Variants in LTBP1 observed in about 807,000 individuals in gnomAD.
The protein encoded by LTBP1 is latent transforming growth factor beta binding protein 1.
In LTBP1, 129 loss-of-function variants were observed where a neutral mutation model predicts 207.6. That is an observed-to-expected ratio of 0.62 (90% CI 0.54 to 0.72). The LOEUF (loss-of-function observed/expected upper bound fraction) is 0.72. Ranked by LOEUF, LTBP1 falls within the 30% of genes least tolerant of loss-of-function variation. The pLI is 0.00. For synonymous variants in LTBP1, 963 were observed against 833.7 expected, an observed-to-expected ratio of 1.16 and a Z score of -2.67; for missense variants, 2,281 against 2,217.2, an observed-to-expected ratio of 1.03 and a Z score of -0.58.
chr2:33,345,090 A>G (rs537533661), intron 25 of LTBP1, among the ~76,000 whole-genome samples: 1 of 152,346 alleles, frequency 6.6e-6, no homozygotes, highest in South Asian at 2.1e-4. Context: ...CTAAGCACCT[A>G]TGATACGCAC....
rs561421159 is a variant in LTBP1, at chr2:33,187,732, T to C, written c.1426+652T>C. On this transcript the variant is annotated intron_variant, in intron 6 of 33. Coordinates refer to ENST00000404816, the MANE Select transcript of LTBP1 (RefSeq NM_206943.4). ...GAAAGCTACGGAAAGTAGCTTGTTA[T>C]AGATATAAAATAATGCACTTTGGTA... Among the ~76,000 whole-genome samples, 23 of 152,348 alleles carry C rather than the reference T, an allele frequency of 1.5e-4. No individual in the cohort carries two copies. In the East Asian group the frequency reaches 4.0e-3, roughly 27 times the overall value.
At chr2:33,254,852 G>GTTTTTTTTTGT (rs2092795169) in intron 11 of LTBP1, among the ~76,000 whole-genome samples, 1 of 10,366 alleles carries the variant, frequency 9.6e-5, no homozygotes, top group African/African-American at 5.4e-4. Flanking sequence ...GCGGTGTTTG[G>GTTTTTTTTTGT]TTTTTTTTTT....
chr2:33,007,244 G>A (rs1012433483), intron 2 of LTBP1, among the ~76,000 whole-genome samples: 6 of 152,324 alleles, frequency 3.9e-5, no homozygotes, highest in Middle Eastern at 3.4e-3. Context: ...GCTTCTCAAA[G>A]TGCTGGGATT....
chr2:33,157,769 C>T (rs74766103), intron 5 of LTBP1, among the ~76,000 whole-genome samples: 2,320 of 152,222 alleles, frequency 0.015, 23 homozygotes, highest in East Asian at 0.027. Context: ...TATCTTTTTC[C>T]CACTGACCTG....
At chr2:33,300,670 AC>A in intron 21 of LTBP1, 97 bp downstream of exon 21, 1 of 1,286,642 alleles carries the variant, frequency 7.8e-7, no homozygotes. Context: ...TTTAAAAATT[AC>A]CCAGATAATT....
intron 7 of LTBP1, among the ~76,000 whole-genome samples, chr2:33,194,678 A>G (rs1269794666): frequency 1.3e-5 from 2 of 152,226 alleles, no homozygotes; most frequent in Non-Finnish European, 2.9e-5. Flanking sequence ...TGCATACCAT[A>G]AAAGTACAAG....
At chr2:33,389,766 A>G (rs1470268431) in intron 32 of LTBP1, among the ~76,000 whole-genome samples, 1 of 152,066 alleles carries the variant, frequency 6.6e-6, no homozygotes, top group East Asian at 1.9e-4. Flanking sequence ...CAGCCTCCCA[A>G]GTAGCTGGGA....
At chr2:33,252,905 C>A in intron 11 of LTBP1, 61 bp downstream of exon 11, 1 of 1,379,426 alleles carries the variant, frequency 7.2e-7, no homozygotes, top group Non-Finnish European at 9.6e-7. Flanking sequence ...CACGGGACAA[C>A]TTTGGCACCT....
At chr2:33,391,073 C>CTTT (rs397968517) in intron 32 of LTBP1, among the ~76,000 whole-genome samples, 28 of 145,354 alleles carry the variant, frequency 1.9e-4, no homozygotes, top group African/African-American at 6.6e-4. Flanking sequence ...TCCCCTCCAC[C>CTTT]TTTTTTTTTT....
intron 22 of LTBP1, among the ~76,000 whole-genome samples, chr2:33,306,088 C>T (rs2094087122): frequency 6.6e-6 from 1 of 152,108 alleles, no homozygotes. Context: ...AATGTTCAAC[C>T]TTCTTATTGC....
intron 29 of LTBP1, 126 bp from the exon 30 acceptor site, chr2:33,364,089 TG>T: frequency 1.3e-6 from 1 of 778,460 alleles, no homozygotes. Context: ...GATGATAATG[TG>T]TGGTTAATTA....
chr2:33,220,031 C>CAT (rs2090999689), intron 8 of LTBP1, among the ~76,000 whole-genome samples: 1 of 152,058 alleles, frequency 6.6e-6, no homozygotes, highest in African/African-American at 2.4e-5. Context: ...TCACTTTTAA[C>CAT]TAAATGTTGG....
At chr2:33,243,146 T>C (rs2092393454) in intron 9 of LTBP1, among the ~76,000 whole-genome samples, 1 of 152,172 alleles carries the variant, frequency 6.6e-6, no homozygotes, top group Non-Finnish European at 1.5e-5. Flanking sequence ...TACCTCCTCC[T>C]CAGTGCCACA....
chr2:33,196,660 GCTAAATAAATGCTAA>G (rs1270038250), intron 7 of LTBP1, among the ~76,000 whole-genome samples: 5 of 152,164 alleles, frequency 3.3e-5, no homozygotes, highest in Non-Finnish European at 2.9e-5. Context: ...ATAAATAAAT[GCTAAATAAATGCTAA>G]CTAAATAAAT....
chr2:33,094,296 G>A (rs2079268237), intron 3 of LTBP1, among the ~76,000 whole-genome samples: 1 of 151,938 alleles, frequency 6.6e-6, no homozygotes, highest in Non-Finnish European at 1.5e-5. Flanking sequence ...TAAGATTTTT[G>A]TCTCTGATAC....
At position 33,389,269 on chromosome 2, in the gene LTBP1, G is replaced by A. The variant is rs376067631; in HGVS notation, c.4797G>A (p.Gln1599=). The change falls in exon 32 of 34, where the codon CAG becomes CAA. Residue 1599 remains glutamine (Q), a synonymous_variant. Transcript: ENST00000404816. ...ACGCCTTGGTTGACTTCAGTGAACA[G>A]TATACTCCAGAAGCCGATCCCTACT... The part of the protein sequence containing the change: ...GRDALVDFSE[Q]YTPEADPYFI... 5 of 1,614,086 alleles carry A rather than the reference G, an allele frequency of 3.1e-6. No individual in the cohort carries two copies. Among genetic ancestry groups the A allele is most frequent in the East Asian group, 2.2e-5 (1 of 44,886 alleles).
chr2:33,183,256 T>C (rs2086857563), intron 5 of LTBP1, among the ~76,000 whole-genome samples: 2 of 152,356 alleles, frequency 1.3e-5, no homozygotes, highest in South Asian at 4.1e-4. Flanking sequence ...TTTGCTATAC[T>C]TTCTTTTTTG....
intron 5 of LTBP1, among the ~76,000 whole-genome samples, chr2:33,141,471 T>C (rs532293852): frequency 6.6e-6 from 1 of 152,192 alleles, no homozygotes; most frequent in Non-Finnish European, 1.5e-5. Flanking sequence ...TTTAAAAATA[T>C]AGTATATGTG....
intron 9 of LTBP1, among the ~76,000 whole-genome samples, chr2:33,230,608 T>C (rs1429749702): frequency 6.6e-6 from 1 of 152,196 alleles, no homozygotes; most frequent in Non-Finnish European, 1.5e-5. Context: ...GAAATAATAC[T>C]AAGAGCTCCT....
Sources: allele counts gnomAD v4.1 joint callset (sites outside exome capture counted in the v4.1 genomes callset), GRCh38; gene constraint gnomAD v4.1.1; transcripts MANE v1.5; gene names NCBI Gene and HGNC (gene_info 2026-07-23, HGNC 2026-07-21).